The following MAGI2 variants were observed in gnomAD, a reference collection of about 807,000 sequenced individuals.
MAGI2 encodes the protein membrane-associated guanylate kinase, WW and PDZ domain-containing protein 2.
A neutral mutation model predicts 133.3 loss-of-function variants in MAGI2; 35 were observed. The ratio of observed to expected loss-of-function variants is 0.26; its 90% CI spans 0.20 to 0.35. The LOEUF is 0.35. MAGI2 is among the 10% of genes least tolerant of loss of function. The pLI is 1.00. For synonymous variants in MAGI2, 729 were observed against 710.6 expected, an observed-to-expected ratio of 1.03 and a Z score of -0.41; for missense variants, 1,636 against 1,863.4, an observed-to-expected ratio of 0.88 and a Z score of 2.25.
At chr7:78,669,853 C>T (rs952885286) in intron 2 of MAGI2, among the ~76,000 whole-genome samples, 3 of 152,056 alleles carry the variant, frequency 2.0e-5, no homozygotes, top group Admixed American at 2.0e-4. Context: ...CAGAAAAGGC[C>T]TTTGACAAAA....
At chr7:79,401,905 C>T (rs1053172426) in intron 1 of MAGI2, among the ~76,000 whole-genome samples, 4 of 152,140 alleles carry the variant, frequency 2.6e-5, no homozygotes, top group Admixed American at 6.5e-5. Flanking sequence ...AATGACTTAA[C>T]TAAATTTAAT....
At chr7:79,101,468 T>C (rs1312786506) in intron 1 of MAGI2, among the ~76,000 whole-genome samples, 1 of 152,110 alleles carries the variant, frequency 6.6e-6, no homozygotes, top group Non-Finnish European at 1.5e-5. Context: ...CTCAGGCCTG[T>C]AATTCCAGCA....
chr7:78,833,868 G>C (rs2151448039), intron 2 of MAGI2, among the ~76,000 whole-genome samples: 2 of 152,284 alleles, frequency 1.3e-5, no homozygotes, highest in Middle Eastern at 6.8e-3. Context: ...ACTTCTAGCT[G>C]TTAGGAACAA....
intron 1 of MAGI2, among the ~76,000 whole-genome samples, chr7:79,349,786 G>A (rs2129108150): frequency 6.6e-6 from 1 of 151,902 alleles, no homozygotes; most frequent in Admixed American, 6.6e-5. Flanking sequence ...TGGTTCTCAG[G>A]GAAATTTAGA....
At chr7:79,420,318 A>C (rs1846861239) in intron 1 of MAGI2, among the ~76,000 whole-genome samples, 1 of 152,062 alleles carries the variant, frequency 6.6e-6, no homozygotes, top group Non-Finnish European at 1.5e-5. Flanking sequence ...TGCTGAACAA[A>C]TATAACACAT....
intron 2 of MAGI2, among the ~76,000 whole-genome samples, chr7:78,744,505 C>T (rs951804416): frequency 4.6e-5 from 7 of 152,116 alleles, no homozygotes; most frequent in Admixed American, 3.9e-4. Flanking sequence ...TTGGTTTCTT[C>T]ATTCCCTGCT....
At chr7:78,623,846 G>A (rs547392563) in intron 3 of MAGI2, among the ~76,000 whole-genome samples, 2 of 152,224 alleles carry the variant, frequency 1.3e-5, no homozygotes, top group South Asian at 4.1e-4. Flanking sequence ...AGTTGTAACG[G>A]AGCTGAAAAA....
chr7:79,092,678 AG>A (rs1228817656), intron 1 of MAGI2, among the ~76,000 whole-genome samples: 3 of 152,212 alleles, frequency 2.0e-5, no homozygotes, highest in Non-Finnish European at 4.4e-5. Flanking sequence ...TGCTACAGAT[AG>A]TACATAAACC....
At chr7:78,669,506 G>A (rs931315493) in intron 2 of MAGI2, among the ~76,000 whole-genome samples, 3 of 152,128 alleles carry the variant, frequency 2.0e-5, no homozygotes, top group Non-Finnish European at 4.4e-5. Context: ...GGAGGAGCTG[G>A]TACCATTACT....
chr7:79,274,746 G>C (rs1189822616), intron 1 of MAGI2, among the ~76,000 whole-genome samples: 8 of 152,110 alleles, frequency 5.3e-5, no homozygotes, highest in Non-Finnish European at 1.2e-4. Flanking sequence ...CACGATGCCA[G>C]GCAAGTCTAT....
intron 3 of MAGI2, among the ~76,000 whole-genome samples, chr7:78,595,911 A>G (rs891060924): frequency 2.0e-5 from 3 of 152,212 alleles, no homozygotes; most frequent in Non-Finnish European, 2.9e-5. Context: ...CAAAGGAAGT[A>G]TAACACCAGA....
At chr7:78,945,638 C>T (rs1801356977) in intron 2 of MAGI2, among the ~76,000 whole-genome samples, 1 of 152,028 alleles carries the variant, frequency 6.6e-6, no homozygotes, top group Non-Finnish European at 1.5e-5. Flanking sequence ...CAAACAAGGC[C>T]CTTTGTGATC....
intron 1 of MAGI2, among the ~76,000 whole-genome samples, chr7:79,297,224 G>A (rs1398104819): frequency 6.6e-6 from 1 of 152,066 alleles, no homozygotes; most frequent in Non-Finnish European, 1.5e-5. Context: ...CCCAATTTTA[G>A]AAATGTAAAA....
chr7:78,500,755 A>G (rs1447711875), intron 5 of MAGI2, among the ~76,000 whole-genome samples: 1 of 152,206 alleles, frequency 6.6e-6, no homozygotes, highest in Admixed American at 6.5e-5. Context: ...ACAAAGCCAA[A>G]TTATTTTACT....
chr7:79,215,832 T>C (rs1829985567), intron 1 of MAGI2, among the ~76,000 whole-genome samples: 1 of 151,952 alleles, frequency 6.6e-6, no homozygotes, highest in Admixed American at 6.5e-5. Context: ...GACCTTAACT[T>C]TGGCAAAATA....
At chr7:79,151,309 A>G (rs935774114) in intron 1 of MAGI2, among the ~76,000 whole-genome samples, 62 of 152,196 alleles carry the variant, frequency 4.1e-4, no homozygotes, top group Admixed American at 1.1e-3. Flanking sequence ...AAAAATTAGT[A>G]TTTAATTATA....
At chr7:78,527,029 A>AAAAAAAAG (rs1563125198) in intron 3 of MAGI2, among the ~76,000 whole-genome samples, 4 of 124,804 alleles carry the variant, frequency 3.2e-5, no homozygotes, top group African/African-American at 8.7e-5. Context: ...AAAAAAAAAA[A>AAAAAAAAG]AAAAAGAAAA....
At chr7:79,356,566 A>G (rs1198362961) in intron 1 of MAGI2, among the ~76,000 whole-genome samples, 4 of 152,214 alleles carry the variant, frequency 2.6e-5, no homozygotes, top group African/African-American at 9.6e-5. Flanking sequence ...CAGTTTCCAA[A>G]GCCTTGATAT....
At position 78,871,711 on chromosome 7, in the gene MAGI2, A is replaced by C. The variant is rs138679711; in HGVS notation, c.418+135379T>G. ...ACCTAACTTACGTAAGAGAGAATAAAATAATTGACTACCGTTGATGGAAAA... is the reference window on the plus strand; with the variant it reads ...ACCTAACTTACGTAAGAGAGAATAACATAATTGACTACCGTTGATGGAAAA... On this transcript the variant is annotated intron_variant, in intron 2 of 21. Transcript: ENST00000354212. Among the ~76,000 whole-genome samples, 476 of 152,234 alleles carry C rather than the reference A, an allele frequency of 3.1e-3. 4 individuals carry two copies. The highest frequency in any genetic ancestry group is 0.011 in the African/African-American group (451 of 41,562).
Sources: allele counts gnomAD v4.1 joint callset (sites outside exome capture counted in the v4.1 genomes callset), GRCh38; gene constraint gnomAD v4.1.1; transcripts MANE v1.5; gene names NCBI Gene and HGNC (gene_info 2026-07-23, HGNC 2026-07-21).